The following C1QTNF3 variants were observed in gnomAD, a reference collection of about 807,000 sequenced individuals.
The protein encoded by C1QTNF3 is C1q and TNF related 3.
C1QTNF3 carries 26 observed loss-of-function variants against 32.6 expected under a neutral mutation model. That is an observed-to-expected ratio of 0.80 (90% CI 0.58 to 1.11). The LOEUF (loss-of-function observed/expected upper bound fraction) is 1.11. Ranked by LOEUF, C1QTNF3 falls within the 50% of genes least tolerant of loss-of-function variation. The pLI, the probability that C1QTNF3 is intolerant of heterozygous loss-of-function variation, is 0.00. For synonymous variants in C1QTNF3, 155 were observed against 146.0 expected, an observed-to-expected ratio of 1.06 and a Z score of -0.44; for missense variants, 362 against 398.2, an observed-to-expected ratio of 0.91 and a Z score of 0.77.
the C1QTNF3 span, among the ~76,000 whole-genome samples, chr5:34,142,273 C>A: frequency 6.6e-6 from 1 of 151,916 alleles, no homozygotes; most frequent in Middle Eastern, 3.2e-3. Flanking sequence ...TCTACTAAAA[C>A]CACAAAAAAT....
chr5:34,113,857 G>T, the C1QTNF3 span, among the ~76,000 whole-genome samples: 1 of 152,274 alleles, frequency 6.6e-6, no homozygotes. Context: ...ATTTGAAAGA[G>T]CATGCGAATG....
the C1QTNF3 span, among the ~76,000 whole-genome samples, chr5:34,212,470 C>T: frequency 6.6e-6 from 1 of 151,878 alleles, no homozygotes; most frequent in Non-Finnish European, 1.5e-5. Flanking sequence ...AACAGGCAAC[C>T]TACAGAATGG....
chr5:34,131,993 C>T, the C1QTNF3 span, among the ~76,000 whole-genome samples: 83 of 151,768 alleles, frequency 5.5e-4, no homozygotes, highest in Non-Finnish European at 6.9e-4. Context: ...TTAAAACATT[C>T]GATAAATTTA....
At chr5:34,217,288 C>A in the C1QTNF3 span, among the ~76,000 whole-genome samples, 71,596 of 151,854 alleles carry the variant, frequency 0.47, 19,634 homozygotes, top group African/African-American at 0.76. Flanking sequence ...CATTATTTTC[C>A]ATAAAAAATA....
chr5:34,144,966 A>G, the C1QTNF3 span, among the ~76,000 whole-genome samples: 6 of 152,170 alleles, frequency 3.9e-5, no homozygotes, highest in African/African-American at 1.4e-4. Flanking sequence ...CGTCTCTACT[A>G]AAAACACAAA....
chr5:34,122,061 C>T, the C1QTNF3 span, among the ~76,000 whole-genome samples: 1 of 152,178 alleles, frequency 6.6e-6, no homozygotes, highest in African/African-American at 2.4e-5. Context: ...CAATTTATTA[C>T]AGCAATTCAA....
the C1QTNF3 span, among the ~76,000 whole-genome samples, chr5:34,230,798 A>G: frequency 8.3e-6 from 1 of 120,942 alleles, no homozygotes; most frequent in South Asian, 2.8e-4. Context: ...TTTTTATCTT[A>G]TTAAAACAAA....
At chr5:34,077,920 G>T in the C1QTNF3 span, among the ~76,000 whole-genome samples, 2 of 151,740 alleles carry the variant, frequency 1.3e-5, no homozygotes, top group Non-Finnish European at 2.9e-5. Flanking sequence ...TCAGAAGGGG[G>T]ATTATTCAAA....
chr5:34,059,016 G>A, the C1QTNF3 span, among the ~76,000 whole-genome samples: 1 of 152,224 alleles, frequency 6.6e-6, no homozygotes, highest in Non-Finnish European at 1.5e-5. Context: ...GGTTTGAACT[G>A]CGTGCAGGAG....
At chr5:34,040,276 G>T (rs1167822973) in intron 1 of C1QTNF3, among the ~76,000 whole-genome samples, 1 of 152,120 alleles carries the variant, frequency 6.6e-6, no homozygotes, top group Admixed American at 6.6e-5. Flanking sequence ...TTGTCTCTAA[G>T]AAATGCTCCA....
At chr5:34,237,046 A>C in the C1QTNF3 span, among the ~76,000 whole-genome samples, 6 of 152,318 alleles carry the variant, frequency 3.9e-5, no homozygotes, top group African/African-American at 1.4e-4. Context: ...TGCTTAGTTA[A>C]AGATCTAAGT....
chr5:34,085,159 T>A, the C1QTNF3 span, among the ~76,000 whole-genome samples: 162 of 149,738 alleles, frequency 1.1e-3, 4 homozygotes, highest in African/African-American at 3.9e-3. Flanking sequence ...CCCGGCTAAT[T>A]TTTTGTGTTT....
chr5:34,076,984 G>T, the C1QTNF3 span, among the ~76,000 whole-genome samples: 2 of 151,694 alleles, frequency 1.3e-5, no homozygotes, highest in African/African-American at 4.9e-5. Flanking sequence ...ACAAGGGAAG[G>T]TGGCTGGCAA....
chr5:34,117,334 T>A, the C1QTNF3 span, among the ~76,000 whole-genome samples: 61 of 152,334 alleles, frequency 4.0e-4, no homozygotes, highest in African/African-American at 1.3e-3. Context: ...ACAATTTAGA[T>A]TATACTGACT....
chr5:34,121,909 C>CA, the C1QTNF3 span, among the ~76,000 whole-genome samples: 19 of 152,040 alleles, frequency 1.2e-4, no homozygotes, highest in East Asian at 5.8e-4. Context: ...GAATTTATAG[C>CA]AAAAAAACAG....
At chr5:34,048,289 TGAGAGAGA>T in the C1QTNF3 span, among the ~76,000 whole-genome samples, 10 of 141,172 alleles carry the variant, frequency 7.1e-5, no homozygotes, top group South Asian at 2.3e-4. Context: ...TGTGTGTGCA[TGAGAGAGA>T]GAGAGAGAGA....
the C1QTNF3 span, among the ~76,000 whole-genome samples, chr5:34,140,293 A>G: frequency 6.6e-6 from 1 of 152,338 alleles, no homozygotes; most frequent in Non-Finnish European, 1.5e-5. Context: ...TTCCAGTCTG[A>G]GCCAGCTGGG....
chr5:34,123,088 A>C, the C1QTNF3 span, among the ~76,000 whole-genome samples: 1 of 152,038 alleles, frequency 6.6e-6, no homozygotes, highest in Non-Finnish European at 1.5e-5. Context: ...ATGTGACTAG[A>C]TTTCAAAGGA....
At chr5:34,219,552 G>A in the C1QTNF3 span, among the ~76,000 whole-genome samples, 1 of 150,514 alleles carries the variant, frequency 6.6e-6, no homozygotes, top group African/African-American at 2.4e-5. Flanking sequence ...TACTTTTCAA[G>A]AACATAGAAT....
Sources: allele counts gnomAD v4.1 joint callset (sites outside exome capture counted in the v4.1 genomes callset), GRCh38; gene constraint gnomAD v4.1.1; transcripts MANE v1.5; gene names NCBI Gene and HGNC (gene_info 2026-07-23, HGNC 2026-07-21).